NACC2: variants seen among roughly 807,000 people sequenced by gnomAD.
The protein encoded by NACC2 is NACC family member 2, also known as nucleus accumbens-associated protein 2.
A neutral mutation model predicts 25.1 loss-of-function variants in NACC2; 8 were observed. The observed-to-expected ratio is 0.32, with a 90% CI of 0.19 to 0.57. The LOEUF is 0.57. NACC2 is among the 20% of genes least tolerant of loss of function. NACC2 has a pLI of 0.89. For synonymous variants in NACC2, 435 were observed against 294.7 expected, an observed-to-expected ratio of 1.48 and a Z score of -4.88; for missense variants, 644 against 650.2, an observed-to-expected ratio of 0.99 and a Z score of 0.10.
chr9:136,055,503 G>A lies in NACC2; in HGVS notation c.-59-4923C>T, dbSNP rs534614272. Among the ~76,000 whole-genome samples the A allele has an allele frequency of 1.1e-4, 16 of 152,286 alleles. No homozygotes were observed. In the East Asian group the frequency reaches 2.7e-3, roughly 26 times the overall value. On this transcript the variant is annotated intron_variant, in intron 1 of 5. Transcript: ENST00000277554. The surrounding 1 kb of genome is among the most constrained non-coding windows in gnomAD (Gnocchi z 4.9). ...CCAGCCAGGCAGCTCCATGGTCTGA[G>A]GGCCTCGCCCAGAGTCCCCAGAAAC...
chr9:136,041,336 C>T (rs1463505770), intron 2 of NACC2, among the ~76,000 whole-genome samples: 3 of 151,986 alleles, frequency 2.0e-5, no homozygotes, highest in Non-Finnish European at 4.4e-5. Context: ...GCAGAAACTG[C>T]CTGAACCCAG....
chr9:136,013,173 C>CCCCCCCCA lies in NACC2; in HGVS notation c.1255+25_1255+26insTGGGGGGG. 7.8e-7 allele frequency: 1 copy of CCCCCCCCA among 1,281,018 alleles called. No homozygotes were observed. Among genetic ancestry groups the CCCCCCCCA allele is most frequent in the Non-Finnish European group, 1.1e-6 (1 of 883,262 alleles). 79.4% of individuals were successfully genotyped at this position (1,281,018 alleles called of 1,614,324 possible). On this transcript the variant is annotated intron_variant, in intron 5 of 5. Transcript: ENST00000277554. This position sits in a 1 kb window ranked among gnomAD's most constrained non-coding sequence, Gnocchi z 6.6. Reference sequence around the variant, plus strand: ...ATCTGAACCCAGCCCCGGCCCCACCCACCCGAGAGACCCCCAGGCTCTTAC... The same window carrying CCCCCCCCA: ...ATCTGAACCCAGCCCCGGCCCCACCCCCCCCCCAACCCGAGAGACCCCCAGGCTCTTAC...
intron 1 of NACC2, among the ~76,000 whole-genome samples, chr9:136,061,785 G>A (rs1304633137): frequency 2.6e-5 from 4 of 152,112 alleles, no homozygotes; most frequent in African/African-American, 9.7e-5. Context: ...ACAGAGTACA[G>A]AGGCCCAGGT....
At position 136,011,778 on chromosome 9, in the gene NACC2, C is replaced by T. The variant is rs1302191816; in HGVS notation, c.1502G>A (p.Gly501Asp). 2 of 1,543,048 alleles carry T rather than the reference C, an allele frequency of 1.3e-6. No homozygotes were observed. The highest frequency in any genetic ancestry group is 8.7e-7 in the Non-Finnish European group (1 of 1,144,306). ...CAGAGCCACGATGGTGGCGGCGTCG[C>T]CCCGCCGCTCGGCGTAGATGCGTTG... Reference protein sequence around the residue: ...FEQRIYAERRGDAATIVALRT... With the variant: ...FEQRIYAERRDDAATIVALRT... The change falls in exon 6 of 6, where the codon GGC (glycine) becomes GAC (aspartate). Residue 501 changes from glycine (G) to aspartate (D), a missense_variant. Coordinates refer to ENST00000277554, the MANE Select transcript of NACC2 (RefSeq NM_144653.5).
chr9:136,009,082 G>T lies in NACC2; in HGVS notation c.*2434C>A, dbSNP rs1372698564. The T allele has an allele frequency of 6.6e-6, 1 of 152,468 alleles. No individual in the cohort carries two copies. Among genetic ancestry groups the T allele is most frequent in the African/African-American group, 2.4e-5 (1 of 41,444 alleles). 9.4% of individuals were successfully genotyped at this position (152,468 alleles called of 1,614,324 possible). ...CCCTGTCCTGGCCAAGGGTGGGGGG[G>T]CACCCACTTTGGAGTGGAGGGCAGA... On this transcript the variant is annotated 3_prime_UTR_variant, in exon 6 of 6. Coordinates refer to ENST00000277554, the MANE Select transcript of NACC2 (RefSeq NM_144653.5).
Position 136,022,977 on chromosome 9 carries a change from C to T in NACC2, c.887-6548G>A, listed in dbSNP as rs1588559854. On this transcript the variant is annotated intron_variant, in intron 2 of 5. Coordinates refer to ENST00000277554, the MANE Select transcript of NACC2 (RefSeq NM_144653.5). This position sits in a 1 kb window ranked among gnomAD's most constrained non-coding sequence, Gnocchi z 4.4. ...GACACATGGGGAAATGCAGAAAAGC[C>T]CAGCAGGGAAAGCCAGGAGGAAGAA... Among the ~76,000 whole-genome samples the T allele has an allele frequency of 7.2e-6, 1 of 138,798 alleles. No homozygotes were observed. The highest frequency in any genetic ancestry group is 2.5e-4 in the South Asian group (1 of 4,056). 91.1% of individuals were successfully genotyped at this position (138,798 alleles called of 152,430 possible).
chr9:136,051,941 C>CTT (rs1840850941), intron 1 of NACC2, among the ~76,000 whole-genome samples: 3 of 141,906 alleles, frequency 2.1e-5, no homozygotes, highest in Non-Finnish European at 4.5e-5. Context: ...AGGAGGAGGG[C>CTT]AGAGCGCCTG....
Position 136,013,890 on chromosome 9 carries a change from C to T in NACC2, c.1131G>A (p.Arg377=), listed in dbSNP as rs746983431. 3 of 1,612,866 alleles carry T rather than the reference C, an allele frequency of 1.9e-6. No individual in the cohort carries two copies. The East Asian group carries it at 6.7e-5, about 36-fold the overall frequency. Residue 377 remains arginine (R), a synonymous_variant, in exon 4 of 6, where the codon CGG becomes CGA. Coordinates refer to ENST00000277554, the MANE Select transcript of NACC2 (RefSeq NM_144653.5). The surrounding 1 kb of genome is among the most constrained non-coding windows in gnomAD (Gnocchi z 6.6). ...CAGVKHKVLL[R]RLLATFFDRN... is the part of the protein sequence containing the mutation. ...TGTCAAAGAAGGTGGCCAGGAGCCT[C>T]CGCAGCAAGACCTTATGCTTCACCC...
At chr9:136,023,576 A>G (rs751597757) in intron 2 of NACC2, among the ~76,000 whole-genome samples, 11 of 152,062 alleles carry the variant, frequency 7.2e-5, no homozygotes, top group Non-Finnish European at 1.6e-4. Context: ...GGTCCTGGAG[A>G]CTCAAGAAGT....
intron 1 of NACC2, among the ~76,000 whole-genome samples, chr9:136,085,344 G>A (rs1190118844): frequency 2.6e-5 from 4 of 151,450 alleles, no homozygotes; most frequent in Non-Finnish European, 4.4e-5. Context: ...AGCCAGATGT[G>A]GTGGTGCACA....
intron 1 of NACC2, among the ~76,000 whole-genome samples, chr9:136,068,448 G>A (rs552919540): frequency 3.5e-5 from 5 of 141,098 alleles, no homozygotes; most frequent in Admixed American, 1.5e-4. Flanking sequence ...GCAGTGAGCC[G>A]AGATCACACC....
chr9:136,014,030 C>T lies in NACC2; in HGVS notation c.1052-61G>A, dbSNP rs537556743. ...TCCCGGGCCATAGGGTCCGAAGAGG[C>T]GCACAGATGGGTGAGGGGGAGGGGG... On this transcript the variant is annotated intron_variant, in intron 3 of 5. Transcript: ENST00000277554. The T allele has an allele frequency of 1.8e-4, 177 of 1,000,614 alleles. 1 individual carries two copies. The East Asian group carries it at 3.9e-3, about 22-fold the overall frequency. The allele number at this position is 1,000,614 out of a possible 1,614,324, so 62.0% of individuals were successfully genotyped here.
At chr9:136,091,327 C>G (rs1024501233) in intron 1 of NACC2, among the ~76,000 whole-genome samples, 3 of 152,228 alleles carry the variant, frequency 2.0e-5, no homozygotes, top group African/African-American at 7.2e-5. Flanking sequence ...TCAGGGAGGA[C>G]GGGTTCCTCA....
At chr9:136,041,570 T>A (rs1384177940) in intron 2 of NACC2, among the ~76,000 whole-genome samples, 2 of 151,862 alleles carry the variant, frequency 1.3e-5, no homozygotes, top group Non-Finnish European at 2.9e-5. Context: ...ACACAGAGAG[T>A]AGACTAGTGC....
At chr9:136,014,951 C>A (rs1426636291) in intron 3 of NACC2, among the ~76,000 whole-genome samples, 2 of 151,540 alleles carry the variant, frequency 1.3e-5, no homozygotes, top group Non-Finnish European at 2.9e-5. Context: ...TTTCTGGGGG[C>A]AGCCAGTCTC....
In NACC2 at chr9:136,008,807, CCCA is replaced by C. The variant is rs1210148070; in HGVS notation, c.*2706_*2708del. On this transcript the variant is annotated 3_prime_UTR_variant, in exon 6 of 6. Transcript: ENST00000277554. ...CGTCCACAGACACTCCCGACTCACG[CCCA>C]CCGTGGGACACATTAGTGCAAAATG... 2 of 152,312 alleles carry C rather than the reference CCCA, an allele frequency of 1.3e-5. No homozygotes were observed. Among genetic ancestry groups the C allele is most frequent in the Admixed American group, 6.5e-5 (1 of 15,288 alleles). The allele number at this position is 152,312 out of a possible 1,614,324, so 9.4% of individuals were successfully genotyped here.
At chr9:136,080,327 C>T (rs534408930) in intron 1 of NACC2, among the ~76,000 whole-genome samples, 1 of 152,332 alleles carries the variant, frequency 6.6e-6, no homozygotes, top group East Asian at 1.9e-4. Flanking sequence ...GATGCCACCT[C>T]TCAGGGCATC....
intron 1 of NACC2, among the ~76,000 whole-genome samples, chr9:136,080,043 G>C (rs1295773812): frequency 6.6e-6 from 1 of 152,336 alleles, no homozygotes; most frequent in South Asian, 2.1e-4. Context: ...CCACACCCTT[G>C]GCCACCCACT....
rs1037982603 is a variant in NACC2, at chr9:136,084,209, G to C, written c.-60+10980C>G. 2.6e-5 allele frequency among the ~76,000 whole-genome samples: 4 copies of C among 152,020 alleles called. No individual in the cohort carries two copies. Among genetic ancestry groups the C allele is most frequent in the Non-Finnish European group, 5.9e-5 (4 of 68,008 alleles). ...ACCCTCAACACCCACTCACCAACCT[G>C]CAGCCTCCCCGCTCCCAGGTCAAAG... On this transcript the variant is annotated intron_variant, in intron 1 of 5. Transcript: ENST00000277554. This position sits in a 1 kb window ranked among gnomAD's most constrained non-coding sequence, Gnocchi z 5.1.
Sources: gnomAD v4.1 joint callset for allele counts (sites outside exome capture counted in the v4.1 genomes callset) on GRCh38, gnomAD v4.1.1 for gene constraint, Gnocchi (gnomAD v3.1) non-coding constraint, MANE v1.5 for transcripts, NCBI Gene and HGNC (gene_info 2026-07-23, HGNC 2026-07-21) for gene names.